The following RALA variants were observed in gnomAD, a reference collection of about 807,000 sequenced individuals.
RALA encodes the protein ras-related protein Ral-A.
RALA carries 5 observed loss-of-function variants against 24.0 expected under a neutral mutation model. The ratio of observed to expected loss-of-function variants is 0.21; its 90% CI spans 0.11 to 0.44. The LOEUF is 0.44. Ranked by LOEUF, RALA falls within the 20% of genes least tolerant of loss-of-function variation. RALA has a pLI of 0.99. For missense variants in RALA, 95 were observed against 241.2 expected (o/e 0.39, Z 4.01); for synonymous variants, 77 against 83.8 (o/e 0.92, Z 0.44).
At chr7:39,684,745 A>G (rs1168526848) in intron 1 of RALA, among the ~76,000 whole-genome samples, 1 of 151,546 alleles carries the variant, frequency 6.6e-6, no homozygotes, top group East Asian at 1.9e-4. Context: ...AAAAAGTTGC[A>G]TAATGTTTTA....
intron 1 of RALA, among the ~76,000 whole-genome samples, chr7:39,635,785 C>G (rs1791676241): frequency 6.6e-6 from 1 of 152,220 alleles, no homozygotes; most frequent in Non-Finnish European, 1.5e-5. Flanking sequence ...ACTGATCTGA[C>G]AGGAGGTGGA....
At chr7:39,665,161 CCT>C (rs946116375) in intron 1 of RALA, among the ~76,000 whole-genome samples, 7 of 152,070 alleles carry the variant, frequency 4.6e-5, no homozygotes, top group Non-Finnish European at 1.0e-4. Flanking sequence ...ACCTCCTCCA[CCT>C]CTTTTTCCTC....
chr7:39,701,017 G>A (rs1158074908), intron 4 of RALA: 2 of 152,232 alleles, frequency 1.3e-5, no homozygotes, highest in East Asian at 3.8e-4. Context: ...GCCAGGCACT[G>A]TGGTAAGTAC....
intron 4 of RALA, among the ~76,000 whole-genome samples, chr7:39,702,339 T>C (rs917425474): frequency 3.9e-5 from 6 of 152,198 alleles, no homozygotes; most frequent in African/African-American, 1.4e-4. Context: ...TGCTTGTTTT[T>C]TCTTCCTGTA....
chr7:39,652,216 A>C (rs1198917276), intron 1 of RALA, among the ~76,000 whole-genome samples: 1 of 152,200 alleles, frequency 6.6e-6, no homozygotes, highest in Non-Finnish European at 1.5e-5. Flanking sequence ...TAAGGGCACC[A>C]ATCCCACCCA....
chr7:39,663,593 A>G (rs1425500601), intron 1 of RALA, among the ~76,000 whole-genome samples: 2 of 151,828 alleles, frequency 1.3e-5, no homozygotes, highest in African/African-American at 2.4e-5. Context: ...ATTGCCCATC[A>G]TTTCAAGATG....
intron 1 of RALA, among the ~76,000 whole-genome samples, chr7:39,658,010 T>C (rs1365555143): frequency 6.6e-6 from 1 of 152,214 alleles, no homozygotes; most frequent in African/African-American, 2.4e-5. Context: ...CTTCTCTTTC[T>C]TTGAGTTAAG....
At chr7:39,688,396 TAAA>T (rs60727230) in intron 2 of RALA, among the ~76,000 whole-genome samples, 1 of 147,914 alleles carries the variant, frequency 6.8e-6, no homozygotes, top group Non-Finnish European at 1.5e-5. Context: ...CCCTGTCTCT[TAAA>T]AAAAAAAAAA....
chr7:39,689,617 C>T (rs1050675738), intron 2 of RALA, among the ~76,000 whole-genome samples: 4 of 152,134 alleles, frequency 2.6e-5, no homozygotes, highest in African/African-American at 9.7e-5. Flanking sequence ...TACATGCTAA[C>T]AATGATATCA....
intron 1 of RALA, among the ~76,000 whole-genome samples, chr7:39,681,302 C>CTTTTTTTTTTTTTTTTTTTTTTT (rs70996832): frequency 6.0e-5 from 3 of 50,008 alleles, no homozygotes; most frequent in Non-Finnish European, 1.1e-4. Context: ...CACCCTATTC[C>CTTTTTTTTTTTTTTTTTTTTTTT]TTTTTTTTTT....
At chr7:39,699,043 C>T (rs1342859109) in intron 4 of RALA, among the ~76,000 whole-genome samples, 1 of 151,280 alleles carries the variant, frequency 6.6e-6, no homozygotes, top group Non-Finnish European at 1.5e-5. Flanking sequence ...AAACAGGAAC[C>T]TCTCATATGT....
intron 1 of RALA, among the ~76,000 whole-genome samples, chr7:39,650,213 T>A (rs1791997313): frequency 6.6e-6 from 1 of 152,118 alleles, no homozygotes; most frequent in Admixed American, 6.5e-5. Flanking sequence ...CTTACTAGGA[T>A]CTTGATCAGT....
At chr7:39,652,864 C>T (rs1034023855) in intron 1 of RALA, among the ~76,000 whole-genome samples, 21 of 149,356 alleles carry the variant, frequency 1.4e-4, no homozygotes, top group Middle Eastern at 7.0e-3. Context: ...CTCCCAGGTG[C>T]GAGCAATTCT....
intron 1 of RALA, among the ~76,000 whole-genome samples, chr7:39,677,171 G>T (rs1021543090): frequency 6.6e-6 from 1 of 152,218 alleles, no homozygotes; most frequent in African/African-American, 2.4e-5. Context: ...CTCTAGAAGC[G>T]AAAGAGGCAA....
intron 1 of RALA, among the ~76,000 whole-genome samples, chr7:39,653,880 T>C (rs1398089049): frequency 6.6e-6 from 1 of 152,180 alleles, no homozygotes; most frequent in Non-Finnish European, 1.5e-5. Flanking sequence ...TTCTAGAGTT[T>C]AGGGTTTTTT....
At chr7:39,638,352 T>C (rs985883696) in intron 1 of RALA, among the ~76,000 whole-genome samples, 1 of 152,232 alleles carries the variant, frequency 6.6e-6, no homozygotes, top group Non-Finnish European at 1.5e-5. Flanking sequence ...ATGGTAGAAA[T>C]GAAATCATAC....
chr7:39,665,584 G>A (rs1242584073), intron 1 of RALA, among the ~76,000 whole-genome samples: 1 of 151,604 alleles, frequency 6.6e-6, no homozygotes, highest in Non-Finnish European at 1.5e-5. Flanking sequence ...TGTGTGCTGA[G>A]AGGTAAATTT....
chr7:39,704,915 A>T (rs1204924579), intron 4 of RALA, among the ~76,000 whole-genome samples: 1 of 152,144 alleles, frequency 6.6e-6, no homozygotes, highest in Non-Finnish European at 1.5e-5. Context: ...ACCTCAGGTG[A>T]TCTGCCCGCC....
intron 1 of RALA, among the ~76,000 whole-genome samples, chr7:39,678,847 AT>A (rs1159363495): frequency 2.6e-5 from 4 of 152,172 alleles, no homozygotes; most frequent in Admixed American, 6.5e-5. Context: ...TTTTAATTAT[AT>A]TTTTTAAATA....
Sources: gnomAD v4.1 joint callset for allele counts (sites outside exome capture counted in the v4.1 genomes callset) on GRCh38, gnomAD v4.1.1 for gene constraint, MANE v1.5 for transcripts, NCBI Gene and HGNC (gene_info 2026-07-23, HGNC 2026-07-21) for gene names.